PTPRN2: variants seen among roughly 807,000 people sequenced by gnomAD.
PTPRN2 encodes the protein receptor-type tyrosine-protein phosphatase N2.
In PTPRN2, 74 loss-of-function variants were observed where a neutral mutation model predicts 118.8. The ratio of observed to expected loss-of-function variants is 0.62; its 90% CI spans 0.52 to 0.76. PTPRN2 has a LOEUF of 0.76. PTPRN2 is among the 30% of genes least tolerant of loss of function. PTPRN2 has a pLI of 0.00. For synonymous variants in PTPRN2, 641 were observed against 608.0 expected (o/e 1.05, Z -0.80); for missense variants, 1,481 against 1,394.4 (o/e 1.06, Z -0.99).
intron 13 of PTPRN2, among the ~76,000 whole-genome samples, chr7:157,667,548 C>T (rs1796204070): frequency 6.6e-6 from 1 of 152,234 alleles, no homozygotes; most frequent in African/African-American, 2.4e-5. Context: ...GGCCAGACCC[C>T]CAGGGCTGTC....
chr7:157,760,414 G>C lies in PTPRN2; in HGVS notation c.1789-77477C>G, dbSNP rs886169227. On this transcript the variant is annotated intron_variant, in intron 12 of 22. Coordinates refer to ENST00000389418, the MANE Select transcript of PTPRN2 (RefSeq NM_002847.5). The stretch of plus-strand genomic sequence containing the variant: ...ATGCACGACCCCAAACTTCCTAAAG[G>C]CTCATGACGCAAATAAAACCACAAG... Among the ~76,000 whole-genome samples the C allele has an allele frequency of 2.0e-5, 3 of 151,942 alleles. No individual in the cohort carries two copies. The East Asian group carries it at 5.8e-4, about 29-fold the overall frequency.
chr7:157,790,752 A>ATT, intron 12 of PTPRN2, among the ~76,000 whole-genome samples: 1 of 152,102 alleles, frequency 6.6e-6, no homozygotes, highest in South Asian at 2.1e-4. Context: ...AACCTAAGCT[A>ATT]TTTTTTTTAA....
At chr7:158,189,082 C>T (rs1825546229) in intron 5 of PTPRN2, among the ~76,000 whole-genome samples, 1 of 152,190 alleles carries the variant, frequency 6.6e-6, no homozygotes, top group Non-Finnish European at 1.5e-5. Context: ...TAGGATACCT[C>T]CCAATGGCTC....
chr7:158,417,721 A>G (rs58151066), intron 2 of PTPRN2, among the ~76,000 whole-genome samples: 4,045 of 15,224 alleles, frequency 0.27, 277 homozygotes, highest in East Asian at 0.43. Flanking sequence ...TCAGTGTCCC[A>G]CTGTGTTAAG....
At chr7:158,107,493 C>G (rs1399934306) in intron 10 of PTPRN2, among the ~76,000 whole-genome samples, 2 of 152,022 alleles carry the variant, frequency 1.3e-5, no homozygotes, top group African/African-American at 2.4e-5. Flanking sequence ...GCCCAAACAT[C>G]CCAGGCCACT....
rs1273745780 is a variant in PTPRN2 at position 157,974,694 on chromosome 7, C to T, written c.1724-75957G>A. On this transcript the variant is annotated intron_variant, in intron 11 of 22. Transcript: ENST00000389418. This position sits in a 1 kb window ranked among gnomAD's most constrained non-coding sequence, Gnocchi z 4.0. ...AGGGCAGGGGCTGGGGTGGGCAGGG[C>T]TCCATGGGAAGACACAGGTAGCGGG... Among the ~76,000 whole-genome samples, 2 of 151,658 alleles carry T rather than the reference C, an allele frequency of 1.3e-5. No homozygotes were observed. Among genetic ancestry groups the T allele is most frequent in the African/African-American group, 4.8e-5 (2 of 41,256 alleles).
chr7:158,247,481 C>T lies in PTPRN2; in HGVS notation c.278-42208G>A, dbSNP rs375602633. Among the ~76,000 whole-genome samples, 836 of 152,338 alleles carry T rather than the reference C, an allele frequency of 5.5e-3. 5 individuals are homozygous for T. The highest frequency in any genetic ancestry group is 0.019 in the African/African-American group (787 of 41,584). ...TCACGGCGCCCCTGCTTCCCCACCA[C>T]GCCCATGTCCACGGCTCGTGGGCAG... On this transcript the variant is annotated intron_variant, in intron 3 of 22. Transcript: ENST00000389418.
intron 12 of PTPRN2, among the ~76,000 whole-genome samples, chr7:157,766,219 A>ACC (rs1802476217): frequency 1.9e-5 from 2 of 105,082 alleles, no homozygotes; most frequent in Admixed American, 9.5e-5. Context: ...ATCCACCCAC[A>ACC]CACCCATCCA....
chr7:158,569,382 G>A (rs1827840576), intron 1 of PTPRN2, among the ~76,000 whole-genome samples: 1 of 152,222 alleles, frequency 6.6e-6, no homozygotes, highest in African/African-American at 2.4e-5. Flanking sequence ...AGATCACGTG[G>A]GCCTCACAGG....
At chr7:157,743,470 C>T (rs563518695) in intron 12 of PTPRN2, among the ~76,000 whole-genome samples, 5 of 152,340 alleles carry the variant, frequency 3.3e-5, no homozygotes, top group African/African-American at 1.2e-4. Context: ...GCCACATTAC[C>T]CTGCTTTTGT....
intron 11 of PTPRN2, among the ~76,000 whole-genome samples, chr7:157,945,034 C>T (rs756095690): frequency 1.1e-4 from 17 of 152,196 alleles, no homozygotes; most frequent in South Asian, 4.1e-4. Flanking sequence ...TGCCTCTCTA[C>T]CCATTTTCCT....
At chr7:158,498,471 A>G (rs997255246) in intron 1 of PTPRN2, among the ~76,000 whole-genome samples, 1 of 151,686 alleles carries the variant, frequency 6.6e-6, no homozygotes, top group African/African-American at 2.4e-5. Flanking sequence ...CATGCTACAC[A>G]TTCCTCCTTC....
intron 1 of PTPRN2, chr7:158,539,622 G>A (rs1371281411): frequency 9.5e-6 from 2 of 211,234 alleles, no homozygotes; most frequent in Non-Finnish European, 9.6e-6. Context: ...GAGAGGGAAA[G>A]GCCTGGAGCC....
intron 2 of PTPRN2, among the ~76,000 whole-genome samples, chr7:158,470,176 G>T (rs1819750392): frequency 6.6e-6 from 1 of 152,192 alleles, no homozygotes; most frequent in African/African-American, 2.4e-5. Context: ...AGCAAATATG[G>T]TTATAGCATT....
At chr7:158,249,767 G>A (rs1796543393) in intron 3 of PTPRN2, among the ~76,000 whole-genome samples, 1 of 152,230 alleles carries the variant, frequency 6.6e-6, no homozygotes, top group Non-Finnish European at 1.5e-5. Flanking sequence ...GATGCCCTCT[G>A]TGACATCATT....
intron 2 of PTPRN2, among the ~76,000 whole-genome samples, chr7:158,454,816 C>G (rs956897602): frequency 6.6e-6 from 1 of 152,204 alleles, no homozygotes; most frequent in Non-Finnish European, 1.5e-5. Flanking sequence ...TTTGGCCACT[C>G]TGTTGACCTC....
intron 1 of PTPRN2, among the ~76,000 whole-genome samples, chr7:158,514,487 G>A (rs1167689217): frequency 6.6e-6 from 1 of 152,168 alleles, no homozygotes; most frequent in East Asian, 1.9e-4. Context: ...CCATGAAAGA[G>A]AAGGATCTCA....
At chr7:158,350,959 A>G (rs1199491359) in intron 2 of PTPRN2, among the ~76,000 whole-genome samples, 1 of 152,198 alleles carries the variant, frequency 6.6e-6, no homozygotes. Flanking sequence ...CCCACCCGGC[A>G]CACCTGTGGC....
chr7:158,041,011 G>C (rs949509535), intron 11 of PTPRN2, among the ~76,000 whole-genome samples: 2 of 152,208 alleles, frequency 1.3e-5, no homozygotes, highest in Admixed American at 6.5e-5. Flanking sequence ...GATCACAGGC[G>C]TGAGCCGCCA....
Sources: allele counts gnomAD v4.1 joint callset (sites outside exome capture counted in the v4.1 genomes callset), GRCh38; gene constraint gnomAD v4.1.1; non-coding constraint Gnocchi (gnomAD v3.1); transcripts MANE v1.5; gene names NCBI Gene and HGNC (gene_info 2026-07-23, HGNC 2026-07-21).